RALGAPA2: variants seen among roughly 807,000 people sequenced by gnomAD.
RALGAPA2 encodes ral GTPase-activating protein subunit alpha-2.
In RALGAPA2, 139 loss-of-function variants were observed where a neutral mutation model predicts 230.4. That is an observed-to-expected ratio of 0.60 (90% confidence interval 0.53 to 0.69). The LOEUF (loss-of-function observed/expected upper bound fraction) is 0.69, where lower values mean the gene tolerates loss of function less well. Among genes scored for constraint, RALGAPA2 ranks in the 30% least tolerant of loss-of-function variants. The pLI, the probability that RALGAPA2 is intolerant of heterozygous loss-of-function variation, is 0.00. For synonymous variants in RALGAPA2, 847 were observed against 837.8 expected (o/e 1.01, Z -0.19); for missense variants, 2,163 against 2,276.0 (o/e 0.95, Z 1.01).
At position 20,712,137 on chromosome 20, in the gene RALGAPA2, C is replaced by T. The variant is rs1214442542; in HGVS notation, c.106+238G>A. ...CAGGTTCTCCGGGAGCGCAGGCGCC[C>T]AGCGAGAATCTGGGCTAAGTTTAAC... On this transcript the variant is annotated intron_variant, in intron 1 of 39. Coordinates refer to ENST00000202677, the MANE Select transcript of RALGAPA2 (RefSeq NM_020343.4). The surrounding 1 kb of genome is among the most constrained non-coding windows in gnomAD (Gnocchi z 5.5). 6.6e-6 allele frequency among the ~76,000 whole-genome samples: 1 copy of T among 152,168 alleles called. No homozygotes were observed. Among genetic ancestry groups the T allele is most frequent in the East Asian group, 1.9e-4 (1 of 5,174 alleles).
chr20:20,529,342 G>A (rs1483315741), intron 27 of RALGAPA2, among the ~76,000 whole-genome samples: 1 of 152,134 alleles, frequency 6.6e-6, no homozygotes, highest in Non-Finnish European at 1.5e-5. Flanking sequence ...CAGAGTGAGA[G>A]CTCAATATGT....
At chr20:20,396,609 C>T (rs571749203) in intron 39 of RALGAPA2, 86 bp downstream of exon 39, 41 of 1,278,878 alleles carry the variant, frequency 3.2e-5, no homozygotes, top group Admixed American at 2.4e-4. Context: ...ATGCAGGGTC[C>T]GCTACCGAGG....
At chr20:20,591,803 A>G (rs1421635022) in intron 16 of RALGAPA2, among the ~76,000 whole-genome samples, 1 of 152,234 alleles carries the variant, frequency 6.6e-6, no homozygotes, top group African/African-American at 2.4e-5. Flanking sequence ...ATAAAATGCT[A>G]TAGTTATGTA....
intron 37 of RALGAPA2, among the ~76,000 whole-genome samples, chr20:20,435,378 G>T (rs2060587673): frequency 6.6e-6 from 1 of 152,260 alleles, no homozygotes; most frequent in Non-Finnish European, 1.5e-5. Flanking sequence ...GCTAGATGCT[G>T]GGAGCAGCTG....
At chr20:20,531,584 T>G (rs2063368358) in intron 27 of RALGAPA2, 103 bp downstream of exon 27, 4 of 995,024 alleles carry the variant, frequency 4.0e-6, no homozygotes, top group Non-Finnish European at 6.1e-6. Context: ...TCACAATCCC[T>G]CTGTCATTTG....
chr20:20,579,578 G>A (rs2064923103), intron 20 of RALGAPA2, among the ~76,000 whole-genome samples: 1 of 152,122 alleles, frequency 6.6e-6, no homozygotes, highest in Admixed American at 6.5e-5. Context: ...CTCTGGTAAT[G>A]CAGTTTTCAT....
intron 39 of RALGAPA2, among the ~76,000 whole-genome samples, chr20:20,394,910 A>AAAAAAAAAAAC (rs2059678633): frequency 6.7e-6 from 1 of 149,758 alleles, no homozygotes. Context: ...AAAAAAAAAA[A>AAAAAAAAAAAC]GGCAAGTAAA....
chr20:20,705,919 G>A (rs906551123), intron 1 of RALGAPA2, among the ~76,000 whole-genome samples: 2 of 152,018 alleles, frequency 1.3e-5, no homozygotes, highest in African/African-American at 2.4e-5. Context: ...TGCCCACCTC[G>A]GCCTCCCAAA....
At chr20:20,650,770 A>G (rs1438401615) in intron 4 of RALGAPA2, among the ~76,000 whole-genome samples, 2 of 152,218 alleles carry the variant, frequency 1.3e-5, no homozygotes, top group Admixed American at 6.5e-5. Flanking sequence ...CTAAGTTTCT[A>G]CAACAACTCA....
Position 20,564,821 on chromosome 20 carries a change from G to A in RALGAPA2, c.3156+6637C>T, listed in dbSNP as rs118025067. ...TTCTTGAAAGTCAATATATTCTGAA[G>A]CCATCTTATATCCTGAATTCTTGGA... On this transcript the variant is annotated intron_variant, in intron 23 of 39. Coordinates refer to ENST00000202677, the MANE Select transcript of RALGAPA2 (RefSeq NM_020343.4). Among the ~76,000 whole-genome samples the A allele has an allele frequency of 1.1e-3, 166 of 152,282 alleles. 2 individuals are homozygous for A. In the East Asian group the frequency reaches 0.029, roughly 27 times the overall value.
intron 37 of RALGAPA2, among the ~76,000 whole-genome samples, chr20:20,412,584 G>A (rs184925293): frequency 2.6e-5 from 4 of 152,256 alleles, no homozygotes; most frequent in East Asian, 1.9e-4. Flanking sequence ...CAGTGCAGAC[G>A]CTTCTTAAAA....
intron 23 of RALGAPA2, among the ~76,000 whole-genome samples, chr20:20,551,794 A>G (rs1016776537): frequency 6.6e-6 from 1 of 152,226 alleles, no homozygotes; most frequent in Non-Finnish European, 1.5e-5. Flanking sequence ...GTTCCCTTAT[A>G]ATTGACCTTT....
chr20:20,670,198 C>A (rs1021756493), intron 3 of RALGAPA2, among the ~76,000 whole-genome samples: 14 of 152,170 alleles, frequency 9.2e-5, no homozygotes, highest in African/African-American at 2.4e-4. Flanking sequence ...CAGTGCATAC[C>A]TAATAAATGT....
At chr20:20,573,128 T>G in intron 20 of RALGAPA2, 60 bp from the exon 21 acceptor site, 1 of 1,337,964 alleles carries the variant, frequency 7.5e-7, no homozygotes, top group Non-Finnish European at 9.8e-7. Context: ...CATACCTTTT[T>G]TCTTTAAGGC....
rs776704308 is a variant in RALGAPA2 at position 20,512,903 on chromosome 20, C to T, written c.4466G>A (p.Gly1489Glu). The change falls in exon 32 of 40, where the codon GGA becomes GAA. Residue 1489 changes from glycine to glutamate, a missense_variant. Gly to Glu is a moderately conservative substitution (Grantham distance 98). Transcript: ENST00000202677. The part of the protein sequence containing the change: ...GPLEGCLAPN[G>E]RNPSFLISSW... ...CGAAATCAGAAATGAAGGATTTCTT[C>T]CATTGGGTGCTAAGCAGCCTTCCAA... The T allele has an allele frequency of 1.2e-6, 2 of 1,613,880 alleles. No individual in the cohort carries two copies. Among genetic ancestry groups the T allele is most frequent in the Non-Finnish European group, 1.7e-6 (2 of 1,179,784 alleles).
intron 37 of RALGAPA2, among the ~76,000 whole-genome samples, chr20:20,429,707 G>T (rs536329453): frequency 6.6e-6 from 1 of 152,360 alleles, no homozygotes; most frequent in South Asian, 2.1e-4. Context: ...GGTGCCAGAT[G>T]TGGCTTCTGA....
chr20:20,643,986 A>T (rs542898467), intron 4 of RALGAPA2, among the ~76,000 whole-genome samples: 1 of 152,192 alleles, frequency 6.6e-6, no homozygotes, highest in Non-Finnish European at 1.5e-5. Context: ...TGGTCCATCA[A>T]TAAATCCTCT....
intron 37 of RALGAPA2, among the ~76,000 whole-genome samples, chr20:20,468,215 A>T (rs1031844310): frequency 6.6e-6 from 1 of 152,234 alleles, no homozygotes; most frequent in African/African-American, 2.4e-5. Context: ...TTTATCAAAC[A>T]CATGTCACCT....
chr20:20,505,591 C>G, intron 33 of RALGAPA2, 57 bp from the exon 34 acceptor site: 1 of 1,405,428 alleles, frequency 7.1e-7, no homozygotes, highest in Non-Finnish European at 9.6e-7. Flanking sequence ...TTTTACTTCA[C>G]TACTATTAAT....
Sources: allele counts gnomAD v4.1 joint callset (sites outside exome capture counted in the v4.1 genomes callset), GRCh38; gene constraint gnomAD v4.1.1; non-coding constraint Gnocchi (gnomAD v3.1); transcripts MANE v1.5; gene names NCBI Gene and HGNC (gene_info 2026-07-23, HGNC 2026-07-21).